The following BEST3 variants were observed in gnomAD, a reference collection of about 807,000 sequenced individuals.
BEST3 encodes the protein bestrophin 3.
Under a neutral mutation model 47.1 loss-of-function variants are expected in BEST3, and 50 were observed. The ratio of observed to expected loss-of-function variants is 1.06; its 90% CI spans 0.85 to 1.34. BEST3 has a LOEUF of 1.34. Ranked by LOEUF, BEST3 falls within the 40% of genes most tolerant of loss-of-function variation. BEST3 has a pLI of 0.00. For missense variants in BEST3, 765 were observed against 817.0 expected (o/e 0.94, Z 0.78); for synonymous variants, 282 against 298.8 (o/e 0.94, Z 0.58).
At chr12:69,656,629 C>G (rs541025727) in intron 9 of BEST3, among the ~76,000 whole-genome samples, 1 of 152,230 alleles carries the variant, frequency 6.6e-6, no homozygotes, top group Non-Finnish European at 1.5e-5. Flanking sequence ...TATATCATTA[C>G]AATACAGTGA....
In BEST3 at chr12:69,693,432, T is replaced by G. The variant is rs557496892; in HGVS notation, c.481+242A>C. On this transcript the variant is annotated intron_variant, in intron 4 of 9. Transcript: ENST00000330891. ...GCACACGCCACCACGCCCGGCTAATTTTTTCTATTTTTAGTAGAGATGGGG... is the reference window on the plus strand; with the variant it reads ...GCACACGCCACCACGCCCGGCTAATGTTTTCTATTTTTAGTAGAGATGGGG... Among the ~76,000 whole-genome samples, 4 of 151,716 alleles carry G rather than the reference T, an allele frequency of 2.6e-5. No individual in the cohort carries two copies. In the South Asian group the frequency reaches 8.4e-4, roughly 32 times the overall value.
intron 1 of BEST3, among the ~76,000 whole-genome samples, chr12:69,698,801 A>G (rs1486893642): frequency 6.6e-6 from 1 of 152,248 alleles, no homozygotes; most frequent in Non-Finnish European, 1.5e-5. Context: ...TATTTTCCCT[A>G]AGGAAATGAA....
At chr12:69,695,231 G>A (rs951296844) in intron 2 of BEST3, among the ~76,000 whole-genome samples, 7 of 152,300 alleles carry the variant, frequency 4.6e-5, no homozygotes, top group African/African-American at 1.4e-4. Context: ...ATACAGGAAG[G>A]AAAGCCAAAC....
In BEST3 at chr12:69,654,092, A is replaced by G. The variant is rs183210251; in HGVS notation, c.*815T>C. 6 of 985,440 alleles carry G rather than the reference A, an allele frequency of 6.1e-6. No homozygotes were observed. The East Asian group carries it at 4.5e-4, about 75-fold the overall frequency. The allele number at this position is 985,440 out of a possible 1,614,324, so 61.0% of individuals were successfully genotyped here. A position where few individuals can be genotyped will look rare whatever the true frequency, so the allele number is the denominator to read the frequency against. On this transcript the variant is annotated 3_prime_UTR_variant, in exon 10 of 10. Transcript: ENST00000330891. The stretch of plus-strand genomic sequence containing the variant: ...CCACTGGAAGTGAGACTGGAAGGGT[A>G]TCAGGCTGGATTTGTTGACACCTTT...
chr12:69,650,549 T>A (rs1328645595), downstream of BEST3, among the ~76,000 whole-genome samples: 1 of 152,152 alleles, frequency 6.6e-6, no homozygotes, highest in African/African-American at 2.4e-5. Flanking sequence ...GGGAATTAGG[T>A]TTCAACCTGC....
intron 4 of BEST3, 125 bp from the exon 5 acceptor site, chr12:69,679,018 C>T (rs1885085516): frequency 3.6e-6 from 3 of 830,032 alleles, no homozygotes; most frequent in Non-Finnish European, 5.5e-6. Context: ...AATAAAGCTT[C>T]CTGTCTCAAG....
intron 3 of BEST3, 51 bp from the exon 4 acceptor site, chr12:69,693,958 G>A (rs745985128): frequency 1.2e-5 from 16 of 1,354,532 alleles, no homozygotes; most frequent in Non-Finnish European, 1.6e-5. Flanking sequence ...AGACACGTTG[G>A]TGACACTGAT....
chr12:69,643,740 G>GTA lies in BEST3; in HGVS notation c.1147_1148insTA (p.Pro383LeufsTer43), dbSNP rs1882946862. On this transcript the variant is annotated frameshift_variant, in exon 10 of 10. Transcript: ENST00000331471. LOFTEE classifies it low-confidence loss of function (END_TRUNC). ...ACACTGGAATTGAGGCTGAGGGAGT[G>GTA]GGATTTTTATATCTTCCATCTTCCA... 7 of 715,116 alleles carry GTA rather than the reference G, an allele frequency of 9.8e-6. No homozygotes were observed. In the East Asian group the frequency reaches 1.9e-4, roughly 19 times the overall value. 44.3% of individuals were successfully genotyped at this position (715,116 alleles called of 1,614,324 possible).
chr12:69,671,458 G>C lies in BEST3; in HGVS notation c.1070C>G (p.Pro357Arg). The change falls in exon 9 of 10, where the codon CCC becomes CGC. Residue 357 changes from proline to arginine, a missense_variant. Coordinates refer to ENST00000330891, the MANE Select transcript of BEST3 (RefSeq NM_032735.3). ...YTLAAADYCIPSFLGSTVQMG... is the reference protein window; with the variant it reads ...YTLAAADYCIRSFLGSTVQMG... ...CTGGACTGTTGACCCCAGAAATGAG[G>C]GTATGCAGTAGTCAGCAGCTGCCAA... 6.2e-7 allele frequency: 1 copy of C among 1,613,996 alleles called. No homozygotes were observed. Among genetic ancestry groups the C allele is most frequent in the Non-Finnish European group, 8.5e-7 (1 of 1,179,974 alleles).
At chr12:69,666,376 G>T (rs917754875) in intron 9 of BEST3, among the ~76,000 whole-genome samples, 2 of 152,150 alleles carry the variant, frequency 1.3e-5, no homozygotes, top group Non-Finnish European at 2.9e-5. Context: ...CTGGCAATTT[G>T]ACCTTCTTAC....
chr12:69,686,786 A>AAAAAAAAAAG lies in BEST3; in HGVS notation c.481+6887_481+6888insCTTTTTTTTT, dbSNP rs371159662. ...GATTCTGCCTCAAAAAAACAAAAAAAAAAGAAAGAAAAGAAAAAAAGAAAG... is the reference window on the plus strand; with the variant it reads ...GATTCTGCCTCAAAAAAACAAAAAAAAAAAAAAAAGAAAGAAAGAAAAGAAAAAAAGAAAG... On this transcript the variant is annotated intron_variant, in intron 4 of 9. Transcript: ENST00000330891. 9.8e-3 allele frequency among the ~76,000 whole-genome samples: 1,409 copies of AAAAAAAAAAG among 143,310 alleles called. 51 individuals carry two copies. The highest frequency in any genetic ancestry group is 0.035 in the African/African-American group (1,308 of 37,796). The allele number at this position is 143,310 out of a possible 152,430, so 94.0% of individuals were successfully genotyped here. A position where few individuals can be genotyped will look rare whatever the true frequency, so the allele number is the denominator to read the frequency against.
rs1886058167 is a variant in BEST3 at position 69,694,420 on chromosome 12, G to A, written c.197C>T (p.Ser66Leu). Residue 66 changes from serine to leucine, a missense_variant, in exon 3 of 10, where the codon TCA becomes TTA. Ser to Leu is a moderately radical substitution (Grantham distance 145, BLOSUM62 -2). Coordinates refer to ENST00000330891, the MANE Select transcript of BEST3 (RefSeq NM_032735.3). ...GVQKRYFEKL[S>L]IYCDRYAEQI... is the part of the protein sequence containing the mutation. The stretch of plus-strand genomic sequence containing the variant: ...TTCAGCATATCTGTCACAGTAAATT[G>A]ATAATTTTTCAAAGTAACGTTTTTG... 1 of 1,609,222 alleles carries A rather than the reference G, an allele frequency of 6.2e-7. No individual in the cohort carries two copies. The highest frequency in any genetic ancestry group is 1.3e-5 in the African/African-American group (1 of 74,588).
intron 4 of BEST3, among the ~76,000 whole-genome samples, chr12:69,690,156 C>A (rs1885858863): frequency 1.3e-5 from 2 of 152,226 alleles, no homozygotes; most frequent in South Asian, 4.1e-4. Context: ...TCAAGTTATT[C>A]AAGATGTAGA....
chr12:69,669,301 G>C (rs1223937817), intron 9 of BEST3, among the ~76,000 whole-genome samples: 1 of 152,124 alleles, frequency 6.6e-6, no homozygotes, highest in Non-Finnish European at 1.5e-5. Flanking sequence ...AGAAAATCAA[G>C]ATCAAGTGAG....
downstream of BEST3, among the ~76,000 whole-genome samples, chr12:69,650,915 T>G (rs1292958771): frequency 6.6e-6 from 1 of 151,974 alleles, no homozygotes; most frequent in Non-Finnish European, 1.5e-5. Context: ...ATGACTAGAT[T>G]AATAATTTGG....
intron 4 of BEST3, among the ~76,000 whole-genome samples, chr12:69,679,897 G>T (rs953647608): frequency 7.3e-6 from 1 of 137,210 alleles, no homozygotes; most frequent in Non-Finnish European, 1.6e-5. Context: ...GTGTGTGTGT[G>T]CATGTGTGTA....
At chr12:69,675,358 C>G (rs1675007975) in intron 7 of BEST3, among the ~76,000 whole-genome samples, 1 of 152,110 alleles carries the variant, frequency 6.6e-6, no homozygotes, top group Admixed American at 6.5e-5. Context: ...CTGAGCAGTC[C>G]TCCTACCTCA....
Position 69,694,491 on chromosome 12 carries a change from C to T in BEST3, c.153-27G>A, listed in dbSNP as rs755316244. 8.3e-6 allele frequency: 11 copies of T among 1,329,784 alleles called. No homozygotes were observed. The African/African-American group carries it at 1.5e-4, about 18-fold the overall frequency. The allele number at this position is 1,329,784 out of a possible 1,614,324, so 82.4% of individuals were successfully genotyped here. A position where few individuals can be genotyped will look rare whatever the true frequency, so the allele number is the denominator to read the frequency against. ...TGGAGCAAAAATAAAATGCACAGCC[C>T]TTTATGATATTATACTTCTGCACCT... is the stretch of plus-strand genomic sequence containing the variant. On this transcript the variant is annotated intron_variant, in intron 2 of 9. Transcript: ENST00000330891.
chr12:69,650,043 A>G (rs928003950), downstream of BEST3, among the ~76,000 whole-genome samples: 1 of 152,226 alleles, frequency 6.6e-6, no homozygotes, highest in Non-Finnish European at 1.5e-5. Context: ...AGACAAAACA[A>G]AATAAAACAC....
Sources: gnomAD v4.1 joint callset for allele counts (sites outside exome capture counted in the v4.1 genomes callset) on GRCh38, gnomAD v4.1.1 for gene constraint, MANE v1.5 for transcripts, NCBI Gene and HGNC (gene_info 2026-07-23, HGNC 2026-07-21) for gene names.